The following SESN1 variants were observed in gnomAD, a reference collection of about 807,000 sequenced individuals.
SESN1 encodes the protein sestrin-1.
Under a neutral mutation model 59.3 loss-of-function variants are expected in SESN1, and 30 were observed. The observed-to-expected ratio is 0.51, with a 90% CI of 0.38 to 0.69. The LOEUF (loss-of-function observed/expected upper bound fraction) is 0.69. Among genes scored for constraint, SESN1 ranks in the 30% least tolerant of loss-of-function variants. The probability of loss-of-function intolerance (pLI) is 0.00; values close to 1 mark genes in which losing one functional copy is unlikely to be tolerated. For missense variants in SESN1, 566 were observed against 673.0 expected (o/e 0.84, Z 1.76); for synonymous variants, 197 against 219.9 (o/e 0.90, Z 0.92).
At chr6:109,071,087 C>T (rs1192522633) in intron 1 of SESN1, among the ~76,000 whole-genome samples, 1 of 152,118 alleles carries the variant, frequency 6.6e-6, no homozygotes, top group Non-Finnish European at 1.5e-5. Context: ...ATAATAATAG[C>T]TAACATTATT....
At chr6:109,070,842 C>G (rs760100685) in intron 1 of SESN1, among the ~76,000 whole-genome samples, 1 of 152,196 alleles carries the variant, frequency 6.6e-6, no homozygotes, top group Non-Finnish European at 1.5e-5. Context: ...TGGGGTGAGG[C>G]TTGAGATTCT....
intron 1 of SESN1, among the ~76,000 whole-genome samples, chr6:109,081,995 G>A (rs1377183604): frequency 6.6e-6 from 1 of 152,130 alleles, no homozygotes; most frequent in Non-Finnish European, 1.5e-5. Context: ...TCAACCAGGA[G>A]CAGAGTATTC....
At position 109,088,257 on chromosome 6, in the gene SESN1, A is replaced by T. The variant is rs138010127; in HGVS notation, c.279+5538T>A. 2.3e-3 allele frequency: 350 copies of T among 152,234 alleles called. 1 individual carries two copies. Among genetic ancestry groups the T allele is most frequent in the African/African-American group, 8.0e-3 (334 of 41,540 alleles). The allele number at this position is 152,234 out of a possible 1,614,324, so 9.4% of individuals were successfully genotyped here. On this transcript the variant is annotated intron_variant, in intron 1 of 9. Transcript: ENST00000436639. ...TCATTTGCTATGCTGAGGAAGGAGA[A>T]CAAAAAAAAGAAAGCAGACAAGTAA...
chr6:109,018,766 A>AAT (rs1417860405), intron 1 of SESN1, among the ~76,000 whole-genome samples: 2 of 152,198 alleles, frequency 1.3e-5, no homozygotes, highest in Non-Finnish European at 2.9e-5. Flanking sequence ...GAACTATTTA[A>AAT]AAAGTTTTCA....
In SESN1 at chr6:108,990,651, C is replaced by G. The variant is rs1356056565; in HGVS notation, c.1418G>C (p.Gly473Ala). The change falls in exon 8 of 10, where the codon GGA (glycine) becomes GCA (alanine). Residue 473 changes from glycine (G) to alanine (A), a missense_variant. Gly to Ala is a moderately conservative substitution (Grantham distance 60). Coordinates refer to ENST00000436639, the MANE Select transcript of SESN1 (RefSeq NM_014454.3). ...AIWNYIHCMF[G>A]IRYDDYDYGE... ...ACACAGAAAGAAGACTAACCTTATT[C>G]CAAACATGCAGTGAATATAGTTCCA... 6.2e-7 allele frequency: 1 copy of G among 1,613,758 alleles called. No individual in the cohort carries two copies. The highest frequency in any genetic ancestry group is 8.5e-7 in the Non-Finnish European group (1 of 1,179,922).
intron 1 of SESN1, among the ~76,000 whole-genome samples, chr6:109,006,304 T>C (rs1227854206): frequency 1.3e-5 from 2 of 152,070 alleles, no homozygotes; most frequent in Non-Finnish European, 2.9e-5. Context: ...ATTTTTTTAA[T>C]TTTTAAAATT....
At chr6:109,009,260 G>T (rs879841233) in intron 1 of SESN1, 39 of 1,122,126 alleles carry the variant, frequency 3.5e-5, no homozygotes, top group Non-Finnish European at 4.5e-5. Flanking sequence ...GGGAGCGACT[G>T]TGAGGAGGCA....
intron 1 of SESN1, among the ~76,000 whole-genome samples, chr6:109,043,983 C>A (rs1562466925): frequency 6.6e-6 from 1 of 151,804 alleles, no homozygotes; most frequent in African/African-American, 2.4e-5. Context: ...AATAGAGAGC[C>A]CAGAAATAGA....
intron 1 of SESN1, among the ~76,000 whole-genome samples, chr6:109,017,508 A>G (rs780490317): frequency 3.3e-5 from 5 of 152,074 alleles, no homozygotes; most frequent in Non-Finnish European, 7.4e-5. Flanking sequence ...GATGGTCTCG[A>G]TCTCCTCACC....
chr6:109,064,595 GA>G (rs1780787587), intron 1 of SESN1, among the ~76,000 whole-genome samples: 2 of 4,618 alleles, frequency 4.3e-4, no homozygotes, highest in African/African-American at 3.8e-3. Flanking sequence ...GAGGAGAGGG[GA>G]GGGGAGGGGA....
intron 1 of SESN1, among the ~76,000 whole-genome samples, chr6:109,012,912 G>C (rs1191801696): frequency 6.6e-6 from 1 of 151,924 alleles, no homozygotes; most frequent in Non-Finnish European, 1.5e-5. Context: ...TCAGGAGCTC[G>C]AAACCATCCT....
chr6:109,044,833 G>A (rs1432684721), intron 1 of SESN1, among the ~76,000 whole-genome samples: 1 of 152,168 alleles, frequency 6.6e-6, no homozygotes, highest in East Asian at 1.9e-4. Context: ...AGACCAGCCT[G>A]ACCAACATGA....
At chr6:109,067,431 A>G (rs1023200044) in intron 1 of SESN1, among the ~76,000 whole-genome samples, 5 of 152,230 alleles carry the variant, frequency 3.3e-5, no homozygotes, top group African/African-American at 1.2e-4. Context: ...TAGGAGAGAA[A>G]ATTCCCTAAA....
intron 1 of SESN1, among the ~76,000 whole-genome samples, chr6:109,046,219 G>C (rs1002123879): frequency 1.9e-4 from 28 of 148,166 alleles, no homozygotes; most frequent in East Asian, 2.1e-4. Flanking sequence ...TCAGCCTGCC[G>C]AGTGCCTGCG....
At position 108,994,506 on chromosome 6, in the gene SESN1, C is replaced by T; in HGVS notation, c.1076G>A (p.Arg359His). ...EEASQEEMAS[R>H]FEIEKRESMF... is the part of the protein sequence containing the mutation. ...ACTCTCTCTTTTTTCTATTTCAAAA[C>T]GTGAAGCCATCTCTTCCTGACTTGC... The change falls in exon 6 of 10, where the codon CGT becomes CAT. Residue 359 changes from arginine to histidine, a missense_variant. Transcript: ENST00000436639. 1 of 1,613,042 alleles carries T rather than the reference C, an allele frequency of 6.2e-7. No homozygotes were observed. The highest frequency in any genetic ancestry group is 8.5e-7 in the Non-Finnish European group (1 of 1,179,456).
chr6:108,994,230 T>G (rs1456581377), intron 6 of SESN1, among the ~76,000 whole-genome samples: 1 of 151,926 alleles, frequency 6.6e-6, no homozygotes, highest in African/African-American at 2.4e-5. Context: ...TAGAAGTAAT[T>G]TTAGTGCCAG....
At position 108,989,514 on chromosome 6, in the gene SESN1, TATAG is replaced by T. The variant is rs1455244218; in HGVS notation, c.1425-831_1425-828del. On this transcript the variant is annotated intron_variant, in intron 8 of 9. Transcript: ENST00000436639. ...CTAGATCTAGAGATATCTATATATA[TATAG>T]AGAGATATCTATAGAGATAGAGATA... Among the ~76,000 whole-genome samples, 559 of 150,894 alleles carry T rather than the reference TATAG, an allele frequency of 3.7e-3. 3 individuals carry two copies. The highest frequency in any genetic ancestry group is 4.1e-3 in the Non-Finnish European group (278 of 67,652).
intron 1 of SESN1, among the ~76,000 whole-genome samples, chr6:109,075,888 T>C (rs1286530532): frequency 2.0e-5 from 3 of 152,206 alleles, no homozygotes; most frequent in Non-Finnish European, 4.4e-5. Flanking sequence ...GGAATGACTC[T>C]GAGGGTCTTT....
At chr6:108,990,886 C>G (rs1368818971) in intron 7 of SESN1, 51 bp from the exon 8 acceptor site, 1 of 1,480,462 alleles carries the variant, frequency 6.8e-7, no homozygotes, top group Non-Finnish European at 9.4e-7. Flanking sequence ...AAGTACAGTT[C>G]TATATCTATA....
Sources: allele counts gnomAD v4.1 joint callset (sites outside exome capture counted in the v4.1 genomes callset), GRCh38; gene constraint gnomAD v4.1.1; transcripts MANE v1.5; gene names NCBI Gene and HGNC (gene_info 2026-07-23, HGNC 2026-07-21).